STAG2: variants seen among roughly 807,000 people sequenced by gnomAD.
STAG2 encodes STAG2 cohesin complex component.
A neutral mutation model predicts 108.1 loss-of-function variants in STAG2; 14 were observed. The ratio of observed to expected loss-of-function variants is 0.13; its 90% CI spans 0.09 to 0.20. STAG2 has a LOEUF of 0.20. Ranked by LOEUF, STAG2 falls within the 10% of genes least tolerant of loss-of-function variation. The pLI is 1.00. For synonymous variants in STAG2, 307 were observed against 302.7 expected, an observed-to-expected ratio of 1.01 and a Z score of -0.15; for missense variants, 440 against 940.9, an observed-to-expected ratio of 0.47 and a Z score of 6.96.
chrX:124,007,795 C>G, intron 1 of STAG2, among the ~76,000 whole-genome samples: 1 of 112,034 alleles, frequency 8.9e-6, no homozygotes, highest in Non-Finnish European at 1.9e-5. Context: ...AGTAGCAGAC[C>G]TAACAGAAGA....
At chrX:123,967,376 C>T (rs1334625896) in intron 1 of STAG2, among the ~76,000 whole-genome samples, 1 of 105,170 alleles carries the variant, frequency 9.5e-6, no homozygotes, top group African/African-American at 3.5e-5. Flanking sequence ...AGCGATTCTC[C>T]TGCCTCGGCC....
At position 124,051,225 on chromosome X, in the gene STAG2, T is replaced by TATTA; in HGVS notation, c.1116+7_1116+10dup. On this transcript the variant is annotated splice_region_variant and intron_variant, in intron 12 of 34. Coordinates refer to ENST00000371145, the MANE Select transcript of STAG2 (RefSeq NM_001042750.2). ...TTTTTACCAGTCGGTTCAAGGTTAGTATTACTTAAGAATTTACAAATAACT... is the reference window on the plus strand; with the variant it reads ...TTTTTACCAGTCGGTTCAAGGTTAGTATTAATTACTTAAGAATTTACAAATAACT... The TATTA allele has an allele frequency of 8.6e-7, 1 of 1,168,010 alleles. No homozygotes were observed. The highest frequency in any genetic ancestry group is 2.4e-5 in the Admixed American group (1 of 41,587).
intron 1 of STAG2, among the ~76,000 whole-genome samples, chrX:123,998,587 CATCTATCTATCTATCTATCTATCTATCT>C (rs61659958): frequency 1.1e-5 from 1 of 88,387 alleles, no homozygotes; most frequent in African/African-American, 4.0e-5. Context: ...TCTGTCTATC[CATCTATCTATCTATCTATCTATCTATCT>C]ATCTATCTAT....
At chrX:124,067,646 T>C (rs2058570892) in intron 23 of STAG2, among the ~76,000 whole-genome samples, 1 of 111,606 alleles carries the variant, frequency 9.0e-6, no homozygotes, top group African/African-American at 3.3e-5. Context: ...GTGACTATAT[T>C]ACCATGTATA....
At chrX:124,038,841 T>G (rs1302704587) in intron 6 of STAG2, among the ~76,000 whole-genome samples, 7 of 111,711 alleles carry the variant, frequency 6.3e-5, no homozygotes, top group Non-Finnish European at 1.1e-4. Context: ...TATTAGAAAA[T>G]TCAGCTGACT....
At chrX:124,018,752 C>T (rs2056822234) in intron 1 of STAG2, among the ~76,000 whole-genome samples, 1 of 111,102 alleles carries the variant, frequency 9.0e-6, no homozygotes, top group East Asian at 2.8e-4. Flanking sequence ...TCTCCAACCT[C>T]ATCCTCCCAA....
intron 32 of STAG2, 80 bp from the exon 33 acceptor site, chrX:124,093,938 T>C: frequency 9.5e-7 from 1 of 1,053,806 alleles, no homozygotes. Context: ...TACTTGAATA[T>C]AGAGAGCCAC....
intron 1 of STAG2, among the ~76,000 whole-genome samples, chrX:124,009,060 C>A (rs1197574466): frequency 9.0e-6 from 1 of 111,444 alleles, no homozygotes; most frequent in East Asian, 2.8e-4. Flanking sequence ...CTATCCAAAA[C>A]AAAAACGTTA....
intron 13 of STAG2, among the ~76,000 whole-genome samples, chrX:124,053,485 G>T (rs2058101672): frequency 9.0e-6 from 1 of 110,536 alleles, no homozygotes; most frequent in South Asian, 3.8e-4. Context: ...CAAGCAAATT[G>T]TGACATTTCA....
rs1274623535 is a variant in STAG2, at chrX:124,011,389, G to T, written c.-162-9978G>T. On this transcript the variant is annotated intron_variant, in intron 1 of 34. Transcript: ENST00000371145. ...TATTTGTTACTTTTCCTGCCTAATT[G>T]CTTTGGCTAGGCCTTCCAATACTAT... 3.6e-5 allele frequency among the ~76,000 whole-genome samples: 4 copies of T among 110,895 alleles called. No individual in the cohort carries two copies. The East Asian group carries it at 1.1e-3, about 31-fold the overall frequency.
chrX:124,051,445 ATATAT>A lies in STAG2; in HGVS notation c.1196+54_1196+58del, dbSNP rs201779229. 1,569 of 997,099 alleles carry A rather than the reference ATATAT, an allele frequency of 1.6e-3. 11 individuals carry two copies. The African/African-American group carries it at 0.017, about 11-fold the overall frequency. 82.2% of individuals were successfully genotyped at this position (997,099 alleles called of 1,213,427 possible). A position where few individuals can be genotyped will look rare whatever the true frequency, so the allele number is the denominator to read the frequency against. On this transcript the variant is annotated intron_variant, in intron 13 of 34. Coordinates refer to ENST00000371145, the MANE Select transcript of STAG2 (RefSeq NM_001042750.2). The stretch of plus-strand genomic sequence containing the variant: ...GCACTAATGTTCAGATATCTAAATA[ATATAT>A]TAGAGTATTTGGTTCAGACTCATCT...
At chrX:124,056,360 G>A (rs536908571) in intron 14 of STAG2, 125 bp downstream of exon 14, 9 of 318,536 alleles carry the variant, frequency 2.8e-5, no homozygotes, top group South Asian at 2.9e-4. Context: ...AGATCATATC[G>A]AAGCTTTCAC....
At position 124,073,432 on chromosome X, in the gene STAG2, G is replaced by T. The variant is rs5958384; in HGVS notation, c.2533+2109G>T. ...CTTGTGTGTGTGTATGTGTGTGTTTGTGTGTGACAGGGTCTCACTGTGTCA... is the reference window on the plus strand; with the variant it reads ...CTTGTGTGTGTGTATGTGTGTGTTTTTGTGTGACAGGGTCTCACTGTGTCA... On this transcript the variant is annotated intron_variant, in intron 25 of 34. Transcript: ENST00000371145. 3.5e-3 allele frequency among the ~76,000 whole-genome samples: 386 copies of T among 110,677 alleles called. 1 individual carries two copies. Among genetic ancestry groups the T allele is most frequent in the African/African-American group, 0.012 (356 of 30,412 alleles).
At chrX:124,033,082 C>T (rs1371995727) in intron 5 of STAG2, among the ~76,000 whole-genome samples, 1 of 112,256 alleles carries the variant, frequency 8.9e-6, no homozygotes, top group East Asian at 2.8e-4. Context: ...CATTCTAATG[C>T]ACCTTTTTAA....
chrX:123,966,560 T>G (rs1033686064), intron 1 of STAG2, among the ~76,000 whole-genome samples: 22 of 112,001 alleles, frequency 2.0e-4, no homozygotes, highest in African/African-American at 6.5e-4. Context: ...TTTATGTTTC[T>G]GGGTATCATA....
chrX:124,016,894 GT>G (rs2056750210), intron 1 of STAG2, among the ~76,000 whole-genome samples: 1 of 111,459 alleles, frequency 9.0e-6, no homozygotes, highest in Non-Finnish European at 1.9e-5. Flanking sequence ...TTAAGTGTTT[GT>G]ATTATAGTGA....
chrX:123,961,667 C>T (rs1409780085), upstream of STAG2: 1 of 98,869 alleles, frequency 1.0e-5, no homozygotes, highest in African/African-American at 3.6e-5. Context: ...CCTCCCTTCT[C>T]CCTTCCCCTC....
At chrX:124,098,706 CTAAA>C (rs1239967467) in intron 34 of STAG2, among the ~76,000 whole-genome samples, 1 of 111,647 alleles carries the variant, frequency 9.0e-6, no homozygotes, top group Non-Finnish European at 1.9e-5. Flanking sequence ...ACATGATTTT[CTAAA>C]TAAATCATAA....
At chrX:123,979,700 T>C (rs939540389) in intron 1 of STAG2, among the ~76,000 whole-genome samples, 6 of 111,095 alleles carry the variant, frequency 5.4e-5, no homozygotes, top group African/African-American at 2.0e-4. Context: ...CTGTAGAGCC[T>C]TTTATCTATT....
Sources: allele counts gnomAD v4.1 joint callset (sites outside exome capture counted in the v4.1 genomes callset), GRCh38; gene constraint gnomAD v4.1.1; transcripts MANE v1.5; gene names NCBI Gene and HGNC (gene_info 2026-07-23, HGNC 2026-07-21).